SLC38A11: variants seen among roughly 807,000 people sequenced by gnomAD.
SLC38A11 encodes solute carrier family 38 member 11.
In SLC38A11, 51 loss-of-function variants were observed where a neutral mutation model predicts 49.4. That is an observed-to-expected ratio of 1.03 (90% confidence interval 0.83 to 1.30). SLC38A11 has a LOEUF of 1.30. Among genes scored for constraint, SLC38A11 ranks in the 50% most tolerant of loss-of-function variants. The pLI, the probability that SLC38A11 is intolerant of heterozygous loss-of-function variation, is 0.00. For missense variants in SLC38A11, 574 were observed against 556.2 expected (o/e 1.03, Z -0.32); for synonymous variants, 203 against 192.9 (o/e 1.05, Z -0.43).
intron 7 of SLC38A11, among the ~76,000 whole-genome samples, chr2:164,931,241 C>CAAAAAAAAA (rs71028455): frequency 1.3e-5 from 1 of 74,786 alleles, no homozygotes; most frequent in Non-Finnish European, 2.5e-5. Flanking sequence ...TGATCCCCCA[C>CAAAAAAAAA]AAAAAAAAAA....
Position 164,897,852 on chromosome 2 carries a change from C to G in SLC38A11, c.*585G>C, listed in dbSNP as rs1439741646. 1 of 152,246 alleles carries G rather than the reference C, an allele frequency of 6.6e-6. No individual in the cohort carries two copies. Among genetic ancestry groups the G allele is most frequent in the Non-Finnish European group, 1.5e-5 (1 of 68,178 alleles). 9.4% of individuals were successfully genotyped at this position (152,246 alleles called of 1,614,324 possible). Reference sequence around the variant, plus strand: ...TTTTGATTCTTTACACACCTTGCTCCTCACAGCCAGTCTATGATTCAGGAT... The same window carrying G: ...TTTTGATTCTTTACACACCTTGCTCGTCACAGCCAGTCTATGATTCAGGAT... On this transcript the variant is annotated 3_prime_UTR_variant, in exon 12 of 12. Coordinates refer to ENST00000685975, the MANE Select transcript of SLC38A11 (RefSeq NM_001351537.2).
rs57519342 is a variant in SLC38A11, at chr2:164,920,278, T to TAA, written c.618-4307_618-4306dup. Among the ~76,000 whole-genome samples, 239 of 133,960 alleles carry TAA rather than the reference T, an allele frequency of 1.8e-3. 4 individuals are homozygous for TAA. The South Asian group carries it at 0.024, about 13-fold the overall frequency. The allele number at this position is 133,960 out of a possible 152,430, so 87.9% of individuals were successfully genotyped here. ...CCTGGGTGACAGAGCAAGACTCCGT[T>TAA]AAAAAAAAAAAAAAAAAGAAAGGAA... On this transcript the variant is annotated intron_variant, in intron 7 of 11. Coordinates refer to ENST00000685975, the MANE Select transcript of SLC38A11 (RefSeq NM_001351537.2).
intron 2 of SLC38A11, 117 bp from the exon 3 acceptor site, chr2:164,952,898 G>T (rs919022491): frequency 1.4e-6 from 1 of 712,482 alleles, no homozygotes; most frequent in Admixed American, 2.8e-5. Flanking sequence ...CTTATATGAC[G>T]TATTTGTAAG....
intron 5 of SLC38A11, among the ~76,000 whole-genome samples, chr2:164,941,761 A>G (rs1363852729): frequency 6.6e-6 from 1 of 152,182 alleles, no homozygotes; most frequent in African/African-American, 2.4e-5. Context: ...ACTGTACAGT[A>G]GGTACTGTAC....
In SLC38A11 at chr2:164,945,624, G is replaced by A. The variant is rs1336649611; in HGVS notation, c.333C>T (p.Leu111=). 4.4e-6 allele frequency: 7 copies of A among 1,607,936 alleles called. No individual in the cohort carries two copies. Among genetic ancestry groups the A allele is most frequent in the Non-Finnish European group, 5.1e-6 (6 of 1,178,776 alleles). Residue 111 remains leucine, a synonymous_variant, in exon 4 of 12, where the codon CTC becomes CTT. Transcript: ENST00000685975. Reference sequence around the variant, plus strand: ...AAGGATACAAAAACTGAAGAACAGAGAGGAGCAGATACCCTGGAAAGCCGA... The same window carrying A: ...AAGGATACAAAAACTGAAGAACAGAAAGGAGCAGATACCCTGGAAAGCCGA... The part of the protein sequence containing the change: ...KTFGFPGYLL[L]SVLQFLYPFI...
In SLC38A11 at chr2:164,911,572, C is replaced by A. The variant is rs140109484; in HGVS notation, c.963+64G>T. 1.3e-3 allele frequency: 973 copies of A among 761,532 alleles called. 4 individuals are homozygous for A. The African/African-American group carries it at 0.016, about 12-fold the overall frequency. The allele number at this position is 761,532 out of a possible 1,614,324, so 47.2% of individuals were successfully genotyped here. ...TTGCCAAACTGTATTATTTATAAAT[C>A]TTCCTAAATTAAATGTGGCAGAGAG... On this transcript the variant is annotated intron_variant, in intron 10 of 11. Coordinates refer to ENST00000685975, the MANE Select transcript of SLC38A11 (RefSeq NM_001351537.2).
chr2:164,931,874 A>G (rs1454178336), intron 7 of SLC38A11, among the ~76,000 whole-genome samples: 1 of 152,196 alleles, frequency 6.6e-6, no homozygotes, highest in Non-Finnish European at 1.5e-5. Context: ...CAAATATTTC[A>G]TGACGAAAAT....
chr2:164,933,707 T>G (rs1217722435), intron 7 of SLC38A11, among the ~76,000 whole-genome samples: 2 of 152,052 alleles, frequency 1.3e-5, no homozygotes, highest in Non-Finnish European at 2.9e-5. Context: ...AAACCACACA[T>G]GGAGTATTGA....
intron 3 of SLC38A11, 100 bp from the exon 4 acceptor site, chr2:164,945,827 A>C (rs926743260): frequency 1.4e-5 from 19 of 1,364,116 alleles, no homozygotes; most frequent in Non-Finnish European, 1.8e-5. Context: ...ATTTTAAAGA[A>C]GCATTTAATT....
At chr2:164,926,648 T>G (rs1175565989) in intron 7 of SLC38A11, among the ~76,000 whole-genome samples, 3 of 151,772 alleles carry the variant, frequency 2.0e-5, no homozygotes, top group African/African-American at 7.3e-5. Flanking sequence ...ATTAAGAAAA[T>G]GAGGCACATA....
chr2:164,919,283 T>A (rs982786815), intron 7 of SLC38A11, among the ~76,000 whole-genome samples: 9 of 151,994 alleles, frequency 5.9e-5, no homozygotes, highest in Non-Finnish European at 1.2e-4. Context: ...TGAGCCATGA[T>A]CACCCCATTG....
rs750871757 is a variant in SLC38A11 at position 164,898,567 on chromosome 2, G to A, written c.1259C>T (p.Thr420Ile). 1 of 1,613,664 alleles carries A rather than the reference G, an allele frequency of 6.2e-7. No individual in the cohort carries two copies. Among genetic ancestry groups the A allele is most frequent in the Non-Finnish European group, 8.5e-7 (1 of 1,179,766 alleles). The change falls in exon 12 of 12, where the codon ACT becomes ATT. Residue 420 changes from threonine (T) to isoleucine (I), a missense_variant. By Grantham distance (89) the Thr-to-Ile change is moderately conservative. Transcript: ENST00000685975. ...TTCCTGCCCATGGGTGCAGTCTTGA[G>A]TATTTGTAATAGCCATGACGAATCC... ...VFGFVMAITN[T>I]QDCTHGQEMF...
Position 164,915,254 on chromosome 2 carries a change from G to A in SLC38A11, c.708C>T (p.Asn236=). ...CTAGAGAACTGTAAACTAAGAAGGA[G>A]TTATGGTGGCAAATAAATGCTGCAA... ...VMSFAFICHH[N]SFLVYSSLEE... Residue 236 remains asparagine, a synonymous_variant, in exon 9 of 12, where the codon AAC becomes AAT. Coordinates refer to ENST00000685975, the MANE Select transcript of SLC38A11 (RefSeq NM_001351537.2). The A allele has an allele frequency of 1.3e-6, 2 of 1,598,330 alleles. No homozygotes were observed. The highest frequency in any genetic ancestry group is 8.5e-7 in the Non-Finnish European group (1 of 1,174,744).
Position 164,955,325 on chromosome 2 carries a change from C to T in SLC38A11, c.-78G>A. On this transcript the variant is annotated 5_prime_UTR_variant, in exon 1 of 12. The change creates a new upstream start codon in the 5' untranslated region. Coordinates refer to ENST00000685975, the MANE Select transcript of SLC38A11 (RefSeq NM_001351537.2). ...CGCACCCGGCCAGCCTCCTCCGCCA[C>T]CTCGCACACAGCCGAGGTCCGCGTG... 3 of 1,369,258 alleles carry T rather than the reference C, an allele frequency of 2.2e-6. No individual in the cohort carries two copies. The highest frequency in any genetic ancestry group is 3.1e-6 in the Non-Finnish European group (3 of 982,528). The allele number at this position is 1,369,258 out of a possible 1,614,324, so 84.8% of individuals were successfully genotyped here. A position where few individuals can be genotyped will look rare whatever the true frequency, so the allele number is the denominator to read the frequency against.
intron 5 of SLC38A11, among the ~76,000 whole-genome samples, chr2:164,940,470 C>A (rs191550161): frequency 6.6e-6 from 1 of 150,768 alleles, no homozygotes; most frequent in African/African-American, 2.4e-5. Context: ...TATATTGTTA[C>A]GATGTCTTCA....
At chr2:164,945,995 C>T (rs16849964) in intron 3 of SLC38A11, among the ~76,000 whole-genome samples, 24,981 of 152,064 alleles carry the variant, frequency 0.16, 2,336 homozygotes, top group East Asian at 0.3. Flanking sequence ...AAAACAGACT[C>T]GAGTCAAACT....
intron 7 of SLC38A11, among the ~76,000 whole-genome samples, chr2:164,936,497 G>A (rs1346557521): frequency 2.0e-5 from 3 of 152,092 alleles, no homozygotes; most frequent in African/African-American, 7.2e-5. Context: ...CTTGCATTGT[G>A]CTAAATATTA....
intron 8 of SLC38A11, 117 bp downstream of exon 8, chr2:164,915,786 A>T (rs1685737696): frequency 4.3e-6 from 3 of 700,126 alleles, no homozygotes; most frequent in Non-Finnish European, 7.3e-6. Context: ...ATATGCTGCT[A>T]ATAGGAAGTC....
intron 3 of SLC38A11, among the ~76,000 whole-genome samples, chr2:164,951,952 C>A (rs962284369): frequency 2.7e-5 from 4 of 146,434 alleles, no homozygotes; most frequent in Admixed American, 7.0e-5. Context: ...ACAGCAGCAA[C>A]TCCTGTGAGT....
Sources: allele counts gnomAD v4.1 joint callset (sites outside exome capture counted in the v4.1 genomes callset), GRCh38; gene constraint gnomAD v4.1.1; transcripts MANE v1.5; gene names NCBI Gene and HGNC (gene_info 2026-07-23, HGNC 2026-07-21).